The following ADAM19 variants were observed in gnomAD, a reference collection of about 807,000 sequenced individuals.
The protein encoded by ADAM19 is disintegrin and metalloproteinase domain-containing protein 19.
Under a neutral mutation model 114.7 loss-of-function variants are expected in ADAM19, and 65 were observed. The observed-to-expected ratio is 0.57, with a 90% CI of 0.46 to 0.70. ADAM19 has a LOEUF of 0.70. Among genes scored for constraint, ADAM19 ranks in the 30% least tolerant of loss-of-function variants. The probability of loss-of-function intolerance (pLI) is 0.00; values close to 1 mark genes in which losing one functional copy is unlikely to be tolerated. For synonymous variants in ADAM19, 466 were observed against 460.5 expected (o/e 1.01, Z -0.15); for missense variants, 1,063 against 1,204.7 (o/e 0.88, Z 1.74).
chr5:157,556,160 C>A (rs548622814), intron 3 of ADAM19, among the ~76,000 whole-genome samples: 1 of 150,570 alleles, frequency 6.6e-6, no homozygotes, highest in African/African-American at 2.4e-5. Flanking sequence ...TTCTTTACTG[C>A]AACCTGTTTT....
intron 14 of ADAM19, among the ~76,000 whole-genome samples, chr5:157,495,776 G>A (rs1755341951): frequency 6.6e-6 from 1 of 151,822 alleles, no homozygotes; most frequent in African/African-American, 2.4e-5. Context: ...TGGAATTACA[G>A]GCGTCCACCA....
intron 14 of ADAM19, 126 bp downstream of exon 14, chr5:157,496,768 G>A: frequency 1.3e-6 from 1 of 767,376 alleles, no homozygotes; most frequent in East Asian, 3.3e-5. Flanking sequence ...CTGAGTCAAG[G>A]GGATGAAAGA....
intron 5 of ADAM19, among the ~76,000 whole-genome samples, chr5:157,524,073 C>A (rs990553382): frequency 1.3e-5 from 2 of 152,254 alleles, no homozygotes; most frequent in African/African-American, 4.8e-5. Context: ...GAGGCTGGCA[C>A]AAGCCCCAGC....
intron 11 of ADAM19, 75 bp from the exon 12 acceptor site, chr5:157,503,055 AC>A (rs1304649538): frequency 7.0e-7 from 1 of 1,419,774 alleles, no homozygotes; most frequent in Non-Finnish European, 9.7e-7. Context: ...TCGTGCTGTC[AC>A]TCCTGCTACC....
chr5:157,530,932 G>A, intron 4 of ADAM19, 49 bp from the exon 5 acceptor site: 1 of 1,490,364 alleles, frequency 6.7e-7, no homozygotes, highest in Admixed American at 1.7e-5. Flanking sequence ...TGATAAGCAT[G>A]GCAATGTTAA....
intron 3 of ADAM19, among the ~76,000 whole-genome samples, chr5:157,545,491 C>T (rs150820354): frequency 6.6e-6 from 1 of 152,122 alleles, no homozygotes; most frequent in Non-Finnish European, 1.5e-5. Context: ...CTTTCCAAAC[C>T]TTAGTTTTTC....
chr5:157,493,214 C>A, intron 15 of ADAM19, 37 bp from the exon 16 acceptor site: 1 of 1,602,204 alleles, frequency 6.2e-7, no homozygotes, highest in Non-Finnish European at 8.5e-7. Context: ...GAAGCGGAAT[C>A]AGAGGCAGAG....
chr5:157,572,155 G>A (rs1317853248), intron 1 of ADAM19: 15 of 323,296 alleles, frequency 4.6e-5, no homozygotes, highest in South Asian at 1.7e-4. Context: ...GTGTGATCTC[G>A]GCTCACTGCA....
Position 157,537,713 on chromosome 5 carries a change from G to A in ADAM19, c.330+200C>T, listed in dbSNP as rs11465276. Reference sequence around the variant, plus strand: ...CCCTAAAATAGTCTATGTTTCTTTAGCCATTGTAGTCAGCAAAGGAGGAGG... The same window carrying A: ...CCCTAAAATAGTCTATGTTTCTTTAACCATTGTAGTCAGCAAAGGAGGAGG... On this transcript the variant is annotated intron_variant, in intron 4 of 22. Transcript: ENST00000257527. Among the ~76,000 whole-genome samples the A allele has an allele frequency of 2.1e-3, 322 of 152,314 alleles. 1 individual carries two copies. The highest frequency in any genetic ancestry group is 7.4e-3 in the African/African-American group (309 of 41,556).
At position 157,493,118 on chromosome 5, in the gene ADAM19, T is replaced by G. The variant is rs777419913; in HGVS notation, c.1763A>C (p.Asn588Thr). ...GATAGTGGTGTCAATGGGCACCGCG[T>G]TGGACTCCAGGGGCCGGGCCTCAGA... Reference protein sequence around the residue: ...QSSEARPLESNAVPIDTTIIM... With the variant: ...QSSEARPLESTAVPIDTTIIM... The change falls in exon 16 of 23, where the codon AAC (asparagine) becomes ACC (threonine). Residue 588 changes from asparagine (N) to threonine (T), a missense_variant. Asn to Thr is a moderately conservative substitution (Grantham distance 65). Coordinates refer to ENST00000257527, the MANE Select transcript of ADAM19 (RefSeq NM_033274.5). The G allele has an allele frequency of 2.5e-6, 4 of 1,614,100 alleles. No individual in the cohort carries two copies. The highest frequency in any genetic ancestry group is 2.5e-6 in the Non-Finnish European group (3 of 1,180,038).
chr5:157,481,236 C>T lies in ADAM19; in HGVS notation c.2704-234G>A, dbSNP rs6861910. The T allele has an allele frequency of 2.5e-3, 1,533 of 610,914 alleles. 22 individuals are homozygous for T. In the African/African-American group the frequency reaches 0.026, roughly 10 times the overall value. The allele number at this position is 610,914 out of a possible 1,614,324, so 37.8% of individuals were successfully genotyped here. Reference sequence around the variant, plus strand: ...CAGCCACCCCTCCCTCTTCCCTTCCCTGCTAAGGCAGCAGCACAGTCCATA... The same window carrying T: ...CAGCCACCCCTCCCTCTTCCCTTCCTTGCTAAGGCAGCAGCACAGTCCATA... On this transcript the variant is annotated intron_variant, in intron 22 of 22. Transcript: ENST00000257527.
At position 157,479,140 on chromosome 5, in the gene ADAM19, G is replaced by A. The variant is rs1019461028; in HGVS notation, c.*1809C>T. The A allele has an allele frequency of 6.1e-6, 6 of 985,768 alleles. No homozygotes were observed. Among genetic ancestry groups the A allele is most frequent in the Admixed American group, 6.1e-5 (1 of 16,264 alleles). 61.1% of individuals were successfully genotyped at this position (985,768 alleles called of 1,614,324 possible). On this transcript the variant is annotated 3_prime_UTR_variant, in exon 23 of 23. Coordinates refer to ENST00000257527, the MANE Select transcript of ADAM19 (RefSeq NM_033274.5). ...ATGACCCACAGCAAGGATGACCCAC[G>A]GCAAGGACATGGGGAACCTGTATCA...
intron 15 of ADAM19, among the ~76,000 whole-genome samples, chr5:157,493,751 G>T (rs1053656994): frequency 6.6e-6 from 1 of 152,070 alleles, no homozygotes; most frequent in Non-Finnish European, 1.5e-5. Context: ...TGCATTTGAG[G>T]CTTTTCATGA....
intron 11 of ADAM19, among the ~76,000 whole-genome samples, chr5:157,504,730 C>T (rs1232983089): frequency 6.6e-6 from 1 of 152,138 alleles, no homozygotes; most frequent in African/African-American, 2.4e-5. Flanking sequence ...TCCAAAGAGC[C>T]TGGAAGAACC....
chr5:157,496,715 C>T (rs1461299811), intron 14 of ADAM19, among the ~76,000 whole-genome samples, 179 bp downstream of exon 14: 1 of 152,192 alleles, frequency 6.6e-6, no homozygotes, highest in Non-Finnish European at 1.5e-5. Flanking sequence ...CATCAAGGGA[C>T]TGGGAAGGAA....
intron 4 of ADAM19, among the ~76,000 whole-genome samples, chr5:157,531,899 C>G (rs1386319115): frequency 7.2e-5 from 11 of 152,120 alleles, no homozygotes; most frequent in Admixed American, 7.2e-4. Context: ...AGGATTCTCT[C>G]CAGAGGCTTG....
chr5:157,477,552 G>A lies in ADAM19; in HGVS notation c.*3397C>T. ...GAGAGGACGCGTTGGGGGTGACTTT[G>A]GAAATGTGGGCTTGGATTCTACAGA... On this transcript the variant is annotated 3_prime_UTR_variant, in exon 23 of 23. Coordinates refer to ENST00000257527, the MANE Select transcript of ADAM19 (RefSeq NM_033274.5). 1 of 1,190,570 alleles carries A rather than the reference G, an allele frequency of 8.4e-7. No homozygotes were observed. Among genetic ancestry groups the A allele is most frequent in the Non-Finnish European group, 1.1e-6 (1 of 937,058 alleles). The allele number at this position is 1,190,570 out of a possible 1,614,324, so 73.8% of individuals were successfully genotyped here.
At chr5:157,544,849 C>T (rs542301859) in intron 3 of ADAM19, among the ~76,000 whole-genome samples, 7 of 152,118 alleles carry the variant, frequency 4.6e-5, no homozygotes, top group East Asian at 1.9e-4. Context: ...TCAGATTAGC[C>T]GATACCACAG....
chr5:157,570,034 C>A (rs373584596), intron 2 of ADAM19, among the ~76,000 whole-genome samples: 77 of 152,108 alleles, frequency 5.1e-4, no homozygotes, highest in African/African-American at 1.8e-3. Flanking sequence ...ACTACGTGGG[C>A]GGATCACTTG....
Sources: allele counts gnomAD v4.1 joint callset (sites outside exome capture counted in the v4.1 genomes callset), GRCh38; gene constraint gnomAD v4.1.1; transcripts MANE v1.5; gene names NCBI Gene and HGNC (gene_info 2026-07-23, HGNC 2026-07-21).